RPGRIP1: variants seen among roughly 807,000 people sequenced by gnomAD.
RPGRIP1 encodes the protein X-linked retinitis pigmentosa GTPase regulator-interacting protein 1.
A neutral mutation model predicts 157.9 loss-of-function variants in RPGRIP1; 128 were observed. That is an observed-to-expected ratio of 0.81 (90% CI 0.70 to 0.94). RPGRIP1 has a LOEUF of 0.94. RPGRIP1 is among the 40% of genes least tolerant of loss of function. The pLI is 0.00. For synonymous variants in RPGRIP1, 554 were observed against 571.6 expected (o/e 0.97, Z 0.44); for missense variants, 1,486 against 1,545.8 (o/e 0.96, Z 0.65).
chr14:21,313,561 G>A (rs1339741302), intron 10 of RPGRIP1, among the ~76,000 whole-genome samples: 18 of 151,916 alleles, frequency 1.2e-4, no homozygotes, highest in Non-Finnish European at 2.1e-4. Flanking sequence ...ATGCCGAGGC[G>A]GCCAGATCAC....
chr14:21,344,080 C>T (rs149958973), intron 22 of RPGRIP1, among the ~76,000 whole-genome samples: 29 of 151,602 alleles, frequency 1.9e-4, no homozygotes, highest in African/African-American at 5.3e-4. Flanking sequence ...CTTCCTATCT[C>T]GGACCTTAAA....
chr14:21,285,387 C>G (rs563735751), intron 1 of RPGRIP1, among the ~76,000 whole-genome samples: 1 of 151,972 alleles, frequency 6.6e-6, no homozygotes, highest in Admixed American at 6.6e-5. Flanking sequence ...AGGCAGATCA[C>G]AAGATCAGGA....
chr14:21,332,986 C>G (rs187613100), intron 20 of RPGRIP1, among the ~76,000 whole-genome samples: 2 of 152,088 alleles, frequency 1.3e-5, no homozygotes, highest in South Asian at 4.2e-4. Flanking sequence ...TGCTGGTAAC[C>G]CCATCTGAGA....
Position 21,348,364 on chromosome 14 carries a change from T to C in RPGRIP1, c.3748+62T>C, listed in dbSNP as rs925574433. Reference sequence around the variant, plus strand: ...GGAAATCATCCTAATAGTGAATATATTTTATCTTCAATACATAATTATTAC... The same window carrying C: ...GGAAATCATCCTAATAGTGAATATACTTTATCTTCAATACATAATTATTAC... On this transcript the variant is annotated intron_variant, in intron 24 of 24. Transcript: ENST00000400017. 2.1e-5 allele frequency: 26 copies of C among 1,261,188 alleles called. No individual in the cohort carries two copies. The African/African-American group carries it at 3.9e-4, about 19-fold the overall frequency. 78.1% of individuals were successfully genotyped at this position (1,261,188 alleles called of 1,614,324 possible).
At chr14:21,347,632 C>A (rs1469398057) in intron 23 of RPGRIP1, among the ~76,000 whole-genome samples, 2 of 152,126 alleles carry the variant, frequency 1.3e-5, no homozygotes, top group Non-Finnish European at 2.9e-5. Context: ...TATGAAAAAT[C>A]AAGAATAGGC....
At chr14:21,283,011 A>C (rs1262200051) in intron 1 of RPGRIP1, among the ~76,000 whole-genome samples, 2 of 152,112 alleles carry the variant, frequency 1.3e-5, no homozygotes, top group South Asian at 4.1e-4. Flanking sequence ...TAGCATTCCA[A>C]TAAACTCCAT....
At chr14:21,300,924 A>AAAGGAGAAGC in intron 3 of RPGRIP1, 42 bp from the exon 4 acceptor site, 1 of 1,595,532 alleles carries the variant, frequency 6.3e-7, no homozygotes, top group Non-Finnish European at 8.5e-7. Flanking sequence ...AGAAATAATA[A>AAAGGAGAAGC]CTGTCATGAA....
intron 3 of RPGRIP1, among the ~76,000 whole-genome samples, chr14:21,295,478 A>ATTTTT (rs11342361): frequency 1.7e-5 from 2 of 116,554 alleles, no homozygotes; most frequent in African/African-American, 3.2e-5. Flanking sequence ...TATTTTTGAG[A>ATTTTT]TTTTTTTTTT....
intron 11 of RPGRIP1, 30 bp from the exon 12 acceptor site, chr14:21,319,987 A>T: frequency 6.3e-7 from 1 of 1,587,554 alleles, no homozygotes; most frequent in Non-Finnish European, 8.6e-7. Flanking sequence ...TAACTACAGA[A>T]TTTCACATTT....
chr14:21,331,667 G>T (rs187097319), intron 20 of RPGRIP1, among the ~76,000 whole-genome samples: 1 of 152,118 alleles, frequency 6.6e-6, no homozygotes, highest in Non-Finnish European at 1.5e-5. Context: ...CTAGGAGAAG[G>T]GGAAGAGGGT....
chr14:21,304,678 C>T (rs948662692), intron 6 of RPGRIP1, among the ~76,000 whole-genome samples: 1 of 152,118 alleles, frequency 6.6e-6, no homozygotes, highest in African/African-American at 2.4e-5. Flanking sequence ...ACACAGCCTC[C>T]CCAACTATCA....
intron 5 of RPGRIP1, chr14:21,302,992 C>T: frequency 4.2e-6 from 1 of 237,930 alleles, no homozygotes; most frequent in Non-Finnish European, 8.3e-6. Flanking sequence ...GCCTCAGCCT[C>T]CTAAGTAGCT....
In RPGRIP1 at chr14:21,326,142, ACTGCCTCTTG is replaced by A; in HGVS notation, c.2681_2690del (p.Leu894GlnfsTer40). ...ATCTTGGCCGAGCCCGAGTGCCTTT[ACTGCCTCTTG>A]CAAAAAATGAATCTATCAAAGGTGG... On this transcript the variant is annotated frameshift_variant, in exon 17 of 25. Coordinates refer to ENST00000400017, the MANE Select transcript of RPGRIP1 (RefSeq NM_020366.4). LOFTEE classifies it high-confidence loss of function. 6.3e-7 allele frequency: 1 copy of A among 1,584,012 alleles called. No individual in the cohort carries two copies.
chr14:21,310,632 G>A lies in RPGRIP1; in HGVS notation c.930+25G>A, dbSNP rs747880709. ...GGTACTTAATGAGAATTGAGTCTCT[G>A]TTTCTTAGTAACCAGAATAATCAAA... On this transcript the variant is annotated intron_variant, in intron 8 of 24. Coordinates refer to ENST00000400017, the MANE Select transcript of RPGRIP1 (RefSeq NM_020366.4). 7.1e-6 allele frequency: 10 copies of A among 1,413,942 alleles called. No individual in the cohort carries two copies. The East Asian group carries it at 7.1e-5, about 10-fold the overall frequency. 87.6% of individuals were successfully genotyped at this position (1,413,942 alleles called of 1,614,324 possible).
At chr14:21,294,562 A>T in intron 2 of RPGRIP1, 115 bp from the exon 3 acceptor site, 1 of 1,071,282 alleles carries the variant, frequency 9.3e-7, no homozygotes, top group Non-Finnish European at 1.4e-6. Context: ...ATTTCCTCAT[A>T]AATACTTGAC....
In RPGRIP1 at chr14:21,302,105, A is replaced by G. The variant is rs1943344260; in HGVS notation, c.491-383A>G. ...ACTCCAGACAACCAAACGCATGCAA[A>G]AACAACTGAAAGTAGAAAACTTGCA... On this transcript the variant is annotated intron_variant, in intron 4 of 24. Transcript: ENST00000400017. Among the ~76,000 whole-genome samples, 3 of 152,188 alleles carry G rather than the reference A, an allele frequency of 2.0e-5. No homozygotes were observed. The South Asian group carries it at 6.2e-4, about 32-fold the overall frequency.
Position 21,291,000 on chromosome 14 carries a change from C to CAA in RPGRIP1, c.85+2954_85+2955dup, listed in dbSNP as rs34237756. Among the ~76,000 whole-genome samples, 174 of 90,280 alleles carry CAA rather than the reference C, an allele frequency of 1.9e-3. 3 individuals are homozygous for CAA. In the East Asian group the frequency reaches 0.032, roughly 16 times the overall value. The allele number at this position is 90,280 out of a possible 152,430, so 59.2% of individuals were successfully genotyped here. A position where few individuals can be genotyped will look rare whatever the true frequency, so the allele number is the denominator to read the frequency against. On this transcript the variant is annotated intron_variant, in intron 2 of 24. Transcript: ENST00000400017. The stretch of plus-strand genomic sequence containing the variant: ...TGGGTGACAGAGCGAGACTCCATCT[C>CAA]AAAAAAAAAAAAAAAAGGATTCTTT...
At chr14:21,320,681 T>G (rs915501529) in intron 12 of RPGRIP1, among the ~76,000 whole-genome samples, 1 of 147,926 alleles carries the variant, frequency 6.8e-6, no homozygotes, top group East Asian at 2.0e-4. Flanking sequence ...CTCACTACAG[T>G]CTTTGCCTCC....
intron 11 of RPGRIP1, 37 bp downstream of exon 11, chr14:21,317,887 ATCC>A (rs1305104645): frequency 1.3e-6 from 2 of 1,543,604 alleles, no homozygotes; most frequent in African/African-American, 2.7e-5. Context: ...CAAATGTGGC[ATCC>A]TCTACCTCTG....
Sources: gnomAD v4.1 joint callset for allele counts (sites outside exome capture counted in the v4.1 genomes callset) on GRCh38, gnomAD v4.1.1 for gene constraint, MANE v1.5 for transcripts, NCBI Gene and HGNC (gene_info 2026-07-23, HGNC 2026-07-21) for gene names.